The following WDFY3 variants were observed in gnomAD, a reference collection of about 807,000 sequenced individuals.
The protein encoded by WDFY3 is WD repeat and FYVE domain-containing protein 3.
WDFY3 carries 66 observed loss-of-function variants against 409.6 expected under a neutral mutation model. The observed-to-expected ratio is 0.16, with a 90% CI of 0.13 to 0.20. WDFY3 has a LOEUF of 0.20. WDFY3 is among the 10% of genes least tolerant of loss of function. The pLI is 1.00. For synonymous variants in WDFY3, 1,521 were observed against 1,537.1 expected (o/e 0.99, Z 0.25); for missense variants, 3,031 against 4,298.1 (o/e 0.71, Z 8.24).
At chr4:84,776,502 T>C (rs1446152189) in intron 27 of WDFY3, among the ~76,000 whole-genome samples, 1 of 152,080 alleles carries the variant, frequency 6.6e-6, no homozygotes, top group East Asian at 1.9e-4. Flanking sequence ...AAACTGAAGA[T>C]AATCCTTGAT....
intron 40 of WDFY3, among the ~76,000 whole-genome samples, chr4:84,738,291 C>A (rs1195868849): frequency 6.6e-6 from 1 of 151,446 alleles, no homozygotes; most frequent in African/African-American, 2.4e-5. Flanking sequence ...AGTGGGAAAA[C>A]CAGATTGAAA....
chr4:84,761,232 G>A (rs940784562), intron 32 of WDFY3, among the ~76,000 whole-genome samples: 6 of 151,934 alleles, frequency 3.9e-5, no homozygotes, highest in Non-Finnish European at 5.9e-5. Context: ...CCAACTATGT[G>A]GTCAATTTTG....
At chr4:84,823,393 A>G (rs1754375319) in intron 10 of WDFY3, among the ~76,000 whole-genome samples, 1 of 152,120 alleles carries the variant, frequency 6.6e-6, no homozygotes, top group African/African-American at 2.4e-5. Context: ...TGAAGTAAAG[A>G]TTTCTTCAAT....
intron 57 of WDFY3, among the ~76,000 whole-genome samples, chr4:84,696,431 T>C (rs1730156717): frequency 6.6e-6 from 1 of 152,132 alleles, no homozygotes; most frequent in African/African-American, 2.4e-5. Context: ...TCTTAGTAGG[T>C]TGTTATGATT....
At position 84,755,338 on chromosome 4, in the gene WDFY3, G is replaced by C; in HGVS notation, c.5487C>G (p.Val1829=). ...CTGTGCATACGTTATGGATAGAAGA[G>C]ACCACAGTTCCGCTGGAGGCAGGAA... ...FGVPASSGTV[V]SSIHNVCTEA... The change falls in exon 34 of 68, where the codon GTC becomes GTG. Residue 1829 remains valine (V), a synonymous_variant. Coordinates refer to ENST00000295888, the MANE Select transcript of WDFY3 (RefSeq NM_014991.6). The C allele has an allele frequency of 7.4e-6, 12 of 1,612,544 alleles. No individual in the cohort carries two copies. The highest frequency in any genetic ancestry group is 1.0e-5 in the Non-Finnish European group (12 of 1,179,662).
intron 4 of WDFY3, among the ~76,000 whole-genome samples, chr4:84,856,503 G>A (rs1190204791): frequency 6.6e-6 from 1 of 152,094 alleles, no homozygotes; most frequent in Non-Finnish European, 1.5e-5. Context: ...ATATTATTCA[G>A]CTATTTTCAG....
intron 7 of WDFY3, among the ~76,000 whole-genome samples, chr4:84,833,688 A>AAGAAAAGAGAAGAGAAGAG (rs1756113632): frequency 6.7e-6 from 1 of 149,500 alleles, no homozygotes; most frequent in Non-Finnish European, 1.5e-5. Flanking sequence ...AAAGAAAAGA[A>AAGAAAAGAGAAGAGAAGAG]AAGAGAAGAG....
At chr4:84,764,477 A>G (rs1743255805) in intron 32 of WDFY3, among the ~76,000 whole-genome samples, 1 of 152,196 alleles carries the variant, frequency 6.6e-6, no homozygotes, top group Non-Finnish European at 1.5e-5. Flanking sequence ...GTGACATGGA[A>G]ATGATATTAC....
In WDFY3 at chr4:84,829,463, A is replaced by C. The variant is rs371318499; in HGVS notation, c.770-273T>G. 1.3e-4 allele frequency among the ~76,000 whole-genome samples: 20 copies of C among 152,250 alleles called. No homozygotes were observed. The East Asian group carries it at 3.5e-3, about 26-fold the overall frequency. On this transcript the variant is annotated intron_variant, in intron 8 of 67. Coordinates refer to ENST00000295888, the MANE Select transcript of WDFY3 (RefSeq NM_014991.6). Reference sequence around the variant, plus strand: ...ATTTTTTCACATATTTTGATGTTTTATCATTAAACAAATGGCCACTGCCAA... The same window carrying C: ...ATTTTTTCACATATTTTGATGTTTTCTCATTAAACAAATGGCCACTGCCAA...
intron 33 of WDFY3, among the ~76,000 whole-genome samples, chr4:84,755,761 C>T (rs146116830): frequency 1.5e-3 from 227 of 152,196 alleles, no homozygotes; most frequent in African/African-American, 5.0e-3. Context: ...GCACATTAAG[C>T]TCACTTCTTT....
At chr4:84,687,804 A>C in intron 62 of WDFY3, 1 of 269,810 alleles carries the variant, frequency 3.7e-6, no homozygotes. Flanking sequence ...CAGCATGGGA[A>C]TTTTGATCTG....
intron 3 of WDFY3, among the ~76,000 whole-genome samples, chr4:84,888,964 C>T (rs1204657085): frequency 6.6e-6 from 1 of 151,772 alleles, no homozygotes; most frequent in Non-Finnish European, 1.5e-5. Context: ...CTTCTCTTTT[C>T]CTGTAAACAC....
intron 38 of WDFY3, 149 bp downstream of exon 38, chr4:84,741,612 G>A: frequency 7.4e-6 from 7 of 942,510 alleles, no homozygotes; most frequent in Non-Finnish European, 1.0e-5. Flanking sequence ...ACTGCGCCCA[G>A]CCTGTCTCTA....
chr4:84,705,042 C>T (rs1280150926), intron 54 of WDFY3, among the ~76,000 whole-genome samples: 1 of 151,868 alleles, frequency 6.6e-6, no homozygotes, highest in Admixed American at 6.6e-5. Context: ...TCCAAAATTG[C>T]CTCAATAAAA....
At chr4:84,866,732 T>G (rs1761451672) in intron 3 of WDFY3, among the ~76,000 whole-genome samples, 2 of 152,214 alleles carry the variant, frequency 1.3e-5, no homozygotes, top group South Asian at 2.1e-4. Context: ...GTGGAGTGCT[T>G]TCTCGCTTTA....
At chr4:84,711,017 C>T (rs1033627215) in intron 51 of WDFY3, among the ~76,000 whole-genome samples, 1 of 152,202 alleles carries the variant, frequency 6.6e-6, no homozygotes, top group Non-Finnish European at 1.5e-5. Context: ...TATTTAGATG[C>T]ACACAGACTG....
chr4:84,850,072 C>A, intron 4 of WDFY3, 47 bp from the exon 5 acceptor site: 2 of 1,531,370 alleles, frequency 1.3e-6, no homozygotes, highest in Admixed American at 2.3e-5. Flanking sequence ...ACAAATTTTT[C>A]TTTTTATTTT....
chr4:84,686,775 A>G lies in WDFY3; in HGVS notation c.9543+1311T>C, dbSNP rs150473103. On this transcript the variant is annotated intron_variant, in intron 62 of 67. Coordinates refer to ENST00000295888, the MANE Select transcript of WDFY3 (RefSeq NM_014991.6). ...CATCACCTACATGCTGACACACATTATCTACTTGCTAATGCGACACACATC... is the reference window on the plus strand; with the variant it reads ...CATCACCTACATGCTGACACACATTGTCTACTTGCTAATGCGACACACATC... Among the ~76,000 whole-genome samples the G allele has an allele frequency of 2.4e-4, 36 of 152,268 alleles. No individual in the cohort carries two copies. In the East Asian group the frequency reaches 7.0e-3, roughly 29 times the overall value.
chr4:84,927,916 C>T (rs1398776378), intron 2 of WDFY3, among the ~76,000 whole-genome samples: 1 of 152,208 alleles, frequency 6.6e-6, no homozygotes, highest in African/African-American at 2.4e-5. Flanking sequence ...ATTCTCAATG[C>T]TTCAGCAGGC....
Sources: allele counts gnomAD v4.1 joint callset (sites outside exome capture counted in the v4.1 genomes callset), GRCh38; gene constraint gnomAD v4.1.1; transcripts MANE v1.5; gene names NCBI Gene and HGNC (gene_info 2026-07-23, HGNC 2026-07-21).